ASNS: variants seen among roughly 807,000 people sequenced by gnomAD.
The protein encoded by ASNS is asparagine synthetase (glutamine-hydrolyzing).
Under a neutral mutation model 62.6 loss-of-function variants are expected in ASNS, and 37 were observed. The ratio of observed to expected loss-of-function variants is 0.59; its 90% CI spans 0.45 to 0.78. ASNS has a LOEUF of 0.78. Among genes scored for constraint, ASNS ranks in the 30% least tolerant of loss-of-function variants. The probability of loss-of-function intolerance (pLI) is 0.00; values close to 1 mark genes in which losing one functional copy is unlikely to be tolerated. For synonymous variants in ASNS, 207 were observed against 237.9 expected (o/e 0.87, Z 1.19); for missense variants, 520 against 682.4 (o/e 0.76, Z 2.65).
chr7:97,902,771 A>G, the ASNS span, among the ~76,000 whole-genome samples: 2 of 152,292 alleles, frequency 1.3e-5, no homozygotes, highest in East Asian at 3.9e-4. Context: ...CATATTGCTG[A>G]CACCCAATTC....
the ASNS span, among the ~76,000 whole-genome samples, chr7:97,896,921 G>C: frequency 6.7e-6 from 1 of 150,008 alleles, no homozygotes; most frequent in African/African-American, 2.4e-5. Flanking sequence ...TTGAATAAAG[G>C]ACACCCCACC....
the ASNS span, among the ~76,000 whole-genome samples, chr7:97,911,792 G>A: frequency 6.6e-6 from 1 of 151,886 alleles, no homozygotes; most frequent in Non-Finnish European, 1.5e-5. Context: ...CGTGGGGGAG[G>A]CTGACACTGT....
the ASNS span, among the ~76,000 whole-genome samples, chr7:97,915,513 G>A: frequency 2.0e-5 from 3 of 152,226 alleles, no homozygotes; most frequent in Non-Finnish European, 4.4e-5. Flanking sequence ...CCACAGTCTT[G>A]AAGGGGAAGG....
chr7:97,864,417 A>G lies in ASNS; in HGVS notation c.329T>C (p.Ile110Thr). The G allele has an allele frequency of 1.2e-6, 2 of 1,613,950 alleles. No homozygotes were observed. The highest frequency in any genetic ancestry group is 2.2e-5 in the East Asian group (1 of 44,816). Residue 110 changes from isoleucine to threonine, a missense_variant, in exon 4 of 13, where the codon ATT (isoleucine) becomes ACT (threonine). Coordinates refer to ENST00000394308, the MANE Select transcript of ASNS (RefSeq NM_001673.5). ...ATCCAACATACAAATTGTTTGCTCA[A>G]TTCCTCCTTTGTCATAAAGATGAAG... ...IILHLYDKGG[I>T]EQTICMLDGV... is the part of the protein sequence containing the mutation.
chr7:97,866,222 A>C (rs1164836872), intron 3 of ASNS, among the ~76,000 whole-genome samples: 1 of 152,234 alleles, frequency 6.6e-6, no homozygotes, highest in Non-Finnish European at 1.5e-5. Flanking sequence ...ATGTAAAGCA[A>C]AGGGACAAAC....
intron 7 of ASNS, among the ~76,000 whole-genome samples, chr7:97,857,908 T>G (rs1791533756): frequency 6.6e-6 from 1 of 152,032 alleles, no homozygotes; most frequent in African/African-American, 2.4e-5. Flanking sequence ...GAGATGGAGT[T>G]TCATTATGTT....
the ASNS span, among the ~76,000 whole-genome samples, chr7:97,882,616 A>G: frequency 2.1e-5 from 3 of 145,776 alleles, no homozygotes; most frequent in African/African-American, 7.8e-5. Context: ...ATTGACTTAC[A>G]GAGAGAGATT....
At chr7:97,879,262 A>T in the ASNS span, among the ~76,000 whole-genome samples, 56 of 152,204 alleles carry the variant, frequency 3.7e-4, no homozygotes, top group Non-Finnish European at 7.2e-4. Flanking sequence ...TAAAACACCA[A>T]AAGCAATGGC....
the ASNS span, among the ~76,000 whole-genome samples, chr7:97,883,638 T>C: frequency 2.6e-5 from 4 of 152,180 alleles, no homozygotes; most frequent in African/African-American, 7.2e-5. Context: ...CTTCAGAAGG[T>C]GCATCCAAAC....
the ASNS span, among the ~76,000 whole-genome samples, chr7:97,927,516 G>A: frequency 6.6e-5 from 10 of 152,258 alleles, no homozygotes; most frequent in Non-Finnish European, 1.3e-4. Flanking sequence ...CAGCCGCCTG[G>A]CTCCAGACTC....
At chr7:97,856,551 A>C in intron 8 of ASNS, 139 bp downstream of exon 8, 2 of 746,436 alleles carry the variant, frequency 2.7e-6, no homozygotes, top group South Asian at 6.0e-5. Context: ...GGTCTTAAAT[A>C]ATCAGTAACA....
At chr7:97,889,394 A>G in the ASNS span, among the ~76,000 whole-genome samples, 2 of 152,084 alleles carry the variant, frequency 1.3e-5, no homozygotes, top group African/African-American at 2.4e-5. Context: ...GTACGTGCCT[A>G]TAGTCCCAGC....
chr7:97,898,134 G>A, the ASNS span, among the ~76,000 whole-genome samples: 3 of 151,686 alleles, frequency 2.0e-5, no homozygotes, highest in Admixed American at 2.0e-4. Flanking sequence ...TCACTCTGTT[G>A]CCCAGGCTGG....
At chr7:97,883,911 G>A in the ASNS span, among the ~76,000 whole-genome samples, 2 of 150,450 alleles carry the variant, frequency 1.3e-5, no homozygotes, top group East Asian at 2.0e-4. Context: ...TGGCGTGAAC[G>A]CGGGAGGTGG....
chr7:97,906,507 A>G, the ASNS span: 1 of 174,616 alleles, frequency 5.7e-6, no homozygotes, highest in African/African-American at 2.4e-5. Flanking sequence ...CACAAATACA[A>G]TTTTCACCTC....
the ASNS span, among the ~76,000 whole-genome samples, chr7:97,918,919 A>G: frequency 6.6e-6 from 1 of 152,214 alleles, no homozygotes; most frequent in African/African-American, 2.4e-5. Context: ...CATTCTGCAC[A>G]TGTATCTCAG....
the ASNS span, among the ~76,000 whole-genome samples, chr7:97,878,697 T>C: frequency 4.6e-5 from 7 of 152,112 alleles, no homozygotes; most frequent in Non-Finnish European, 8.8e-5. Context: ...AGAATCAATA[T>C]TGTGAAAATG....
chr7:97,862,798 T>C (rs1172090698), intron 4 of ASNS, among the ~76,000 whole-genome samples: 1 of 151,674 alleles, frequency 6.6e-6, no homozygotes, highest in Non-Finnish European at 1.5e-5. Context: ...ATTATGTTTT[T>C]AAAATAAAAT....
chr7:97,914,538 C>T, the ASNS span, among the ~76,000 whole-genome samples: 2 of 151,742 alleles, frequency 1.3e-5, no homozygotes, highest in African/African-American at 4.8e-5. Context: ...ACAGGTAGAG[C>T]CATGGGTTCT....
Sources: allele counts gnomAD v4.1 joint callset (sites outside exome capture counted in the v4.1 genomes callset), GRCh38; gene constraint gnomAD v4.1.1; transcripts MANE v1.5; gene names NCBI Gene and HGNC (gene_info 2026-07-23, HGNC 2026-07-21).